The following PRELID2 variants were observed in gnomAD, a reference collection of about 807,000 sequenced individuals.
PRELID2 encodes PRELI domain containing 2.
PRELID2 carries 25 observed loss-of-function variants against 28.4 expected under a neutral mutation model. The observed-to-expected ratio is 0.88, with a 90% confidence interval of 0.64 to 1.23. The LOEUF (loss-of-function observed/expected upper bound fraction) is 1.23. Among genes scored for constraint, PRELID2 ranks in the 50% most tolerant of loss-of-function variants. PRELID2 has a pLI of 0.00. For synonymous variants in PRELID2, 76 were observed against 71.6 expected, an observed-to-expected ratio of 1.06 and a Z score of -0.31; for missense variants, 201 against 214.4, an observed-to-expected ratio of 0.94 and a Z score of 0.39.
intron 1 of PRELID2, among the ~76,000 whole-genome samples, chr5:145,582,451 G>C (rs561546705): frequency 6.6e-6 from 1 of 151,846 alleles, no homozygotes; most frequent in Non-Finnish European, 1.5e-5. Context: ...GGGGGAAGTC[G>C]GCCCCCATGA....
At chr5:145,541,852 A>G (rs1752747748) in intron 1 of PRELID2, among the ~76,000 whole-genome samples, 1 of 151,988 alleles carries the variant, frequency 6.6e-6, no homozygotes, top group Non-Finnish European at 1.5e-5. Context: ...CTAACTAAAA[A>G]CAAAGCCCCT....
At chr5:145,293,515 C>CA in the PRELID2 span, among the ~76,000 whole-genome samples, 1 of 152,118 alleles carries the variant, frequency 6.6e-6, no homozygotes, top group Non-Finnish European at 1.5e-5. Context: ...GCAGAATAGG[C>CA]ATAAAAGCTC....
rs1416768837 is a variant in PRELID2, at chr5:145,544,002, GA to G, written n.71-70688del. Among the ~76,000 whole-genome samples the G allele has an allele frequency of 2.0e-5, 3 of 152,026 alleles. No individual in the cohort carries two copies. In the East Asian group the frequency reaches 5.8e-4, roughly 29 times the overall value. On this transcript the variant is annotated intron_variant and non_coding_transcript_variant, in intron 1 of 2. Transcript: ENST00000510259. ...CAGTGAGATCGACTCCAAAAATCAG[GA>G]AGTAAGGAAAATTGGATTTTCTACC...
intron 5 of PRELID2, among the ~76,000 whole-genome samples, chr5:145,781,934 G>A (rs544886388): frequency 6.6e-6 from 1 of 151,944 alleles, no homozygotes; most frequent in South Asian, 2.1e-4. Context: ...TTTTCTCATT[G>A]TCTTTGTCTT....
chr5:145,651,877 G>A (rs186869089), intron 1 of PRELID2, among the ~76,000 whole-genome samples: 41 of 152,330 alleles, frequency 2.7e-4, no homozygotes, highest in Non-Finnish European at 4.9e-4. Context: ...GCAGCTCCTC[G>A]CCAGCAATGG....
chr5:145,279,797 AT>A, the PRELID2 span, among the ~76,000 whole-genome samples: 42 of 150,866 alleles, frequency 2.8e-4, no homozygotes, highest in African/African-American at 8.7e-4. Context: ...ATTAAAGAGG[AT>A]TTTTTTTTAA....
At chr5:145,621,604 T>C (rs1753775114) in intron 1 of PRELID2, among the ~76,000 whole-genome samples, 2 of 152,164 alleles carry the variant, frequency 1.3e-5, no homozygotes, top group South Asian at 2.1e-4. Flanking sequence ...ATGTTCTCAC[T>C]GATATATGGG....
At chr5:145,761,585 A>G (rs1757478417) in intron 6 of PRELID2, among the ~76,000 whole-genome samples, 1 of 152,206 alleles carries the variant, frequency 6.6e-6, no homozygotes, top group Non-Finnish European at 1.5e-5. Flanking sequence ...TAGGACACTC[A>G]ATCAGTAGGC....
chr5:145,439,295 A>C, the PRELID2 span, among the ~76,000 whole-genome samples: 2 of 152,002 alleles, frequency 1.3e-5, no homozygotes, highest in Non-Finnish European at 2.9e-5. Context: ...GAATCGGATG[A>C]TTTGGCAATA....
chr5:145,665,991 A>ATT (rs1390404071), intron 1 of PRELID2, among the ~76,000 whole-genome samples: 19 of 150,758 alleles, frequency 1.3e-4, no homozygotes, highest in African/African-American at 4.6e-4. Context: ...TTTTTTAAAA[A>ATT]AAAAAAAAAA....
At chr5:145,549,378 T>C (rs1472341103) in intron 1 of PRELID2, among the ~76,000 whole-genome samples, 1 of 152,238 alleles carries the variant, frequency 6.6e-6, no homozygotes, top group Non-Finnish European at 1.5e-5. Flanking sequence ...ATCCAGGTAG[T>C]ATATTTAGAA....
the PRELID2 span, among the ~76,000 whole-genome samples, chr5:145,302,009 C>T: frequency 7.1e-6 from 1 of 141,694 alleles, no homozygotes; most frequent in Non-Finnish European, 1.5e-5. Context: ...AGTTACTACA[C>T]ACAAAAAAAA....
At chr5:145,591,636 A>AT (rs889399420) in intron 1 of PRELID2, among the ~76,000 whole-genome samples, 78 of 152,216 alleles carry the variant, frequency 5.1e-4, no homozygotes, top group African/African-American at 1.9e-3. Flanking sequence ...GCTCTTGAGA[A>AT]TTTTTTTCAT....
At chr5:145,418,781 A>C in the PRELID2 span, among the ~76,000 whole-genome samples, 1 of 151,968 alleles carries the variant, frequency 6.6e-6, no homozygotes, top group Non-Finnish European at 1.5e-5. Context: ...CACATTGTGC[A>C]GGTTAGTTAC....
At chr5:145,542,749 A>ATTTCTTTCTTTCTTTC (rs5871930) in intron 1 of PRELID2, among the ~76,000 whole-genome samples, 4,186 of 145,228 alleles carry the variant, frequency 0.029, 115 homozygotes, top group Middle Eastern at 0.084. Context: ...ATACATTGTA[A>ATTTCTTTCTTTCTTTC]TTTCTTTCTT....
At chr5:145,360,166 G>A in the PRELID2 span, among the ~76,000 whole-genome samples, 182 of 152,226 alleles carry the variant, frequency 1.2e-3, no homozygotes, top group Admixed American at 2.0e-3. Context: ...TGGCCAGAAT[G>A]GAAAGAAAGA....
At chr5:145,430,339 G>A in the PRELID2 span, among the ~76,000 whole-genome samples, 1 of 152,152 alleles carries the variant, frequency 6.6e-6, no homozygotes, top group Non-Finnish European at 1.5e-5. Context: ...CTTTGGCTTT[G>A]TATAAAAAAG....
chr5:145,326,171 A>AT, the PRELID2 span, among the ~76,000 whole-genome samples: 1 of 152,038 alleles, frequency 6.6e-6, no homozygotes, highest in Non-Finnish European at 1.5e-5. Flanking sequence ...TACCTGGCTA[A>AT]TTTTTTTAAT....
At chr5:145,396,178 C>G in the PRELID2 span, among the ~76,000 whole-genome samples, 2 of 152,140 alleles carry the variant, frequency 1.3e-5, no homozygotes, top group Non-Finnish European at 2.9e-5. Context: ...TAATTAAGCA[C>G]ACTTTCATCA....
Sources: allele counts gnomAD v4.1 joint callset (sites outside exome capture counted in the v4.1 genomes callset), GRCh38; gene constraint gnomAD v4.1.1; transcripts MANE v1.5; gene names NCBI Gene and HGNC (gene_info 2026-07-23, HGNC 2026-07-21).